ADGRA3: variants seen among roughly 807,000 people sequenced by gnomAD.
ADGRA3 encodes the protein adhesion G protein-coupled receptor A3.
ADGRA3 carries 56 observed loss-of-function variants against 119.8 expected under a neutral mutation model. The observed-to-expected ratio is 0.47, with a 90% confidence interval of 0.38 to 0.58. The LOEUF is 0.58. ADGRA3 is among the 20% of genes least tolerant of loss of function. The pLI is 0.00. For synonymous variants in ADGRA3, 607 were observed against 623.8 expected (o/e 0.97, Z 0.40); for missense variants, 1,516 against 1,649.0 (o/e 0.92, Z 1.40).
At chr4:22,397,184 T>G (rs1167516345) in intron 16 of ADGRA3, among the ~76,000 whole-genome samples, 1 of 141,494 alleles carries the variant, frequency 7.1e-6, no homozygotes, top group African/African-American at 2.6e-5. Context: ...TCTTTTTTTT[T>G]TTTTTTTTTT....
intron 3 of ADGRA3, among the ~76,000 whole-genome samples, chr4:22,458,153 G>A (rs1028889186): frequency 2.0e-5 from 3 of 152,166 alleles, no homozygotes; most frequent in Non-Finnish European, 4.4e-5. Flanking sequence ...GCATCAGCCC[G>A]AGTTTCTGAT....
At chr4:22,406,262 C>T (rs1304708052) in intron 14 of ADGRA3, among the ~76,000 whole-genome samples, 5 of 152,060 alleles carry the variant, frequency 3.3e-5, no homozygotes, top group Non-Finnish European at 7.4e-5. Flanking sequence ...TCTTGGCTAT[C>T]GTGAATAGTG....
chr4:22,467,272 T>C (rs1245951575), intron 2 of ADGRA3, among the ~76,000 whole-genome samples: 1 of 152,232 alleles, frequency 6.6e-6, no homozygotes, highest in Non-Finnish European at 1.5e-5. Flanking sequence ...AATCAAATGT[T>C]TGATCCCCAG....
At chr4:22,414,593 C>T in intron 12 of ADGRA3, 1 of 698,628 alleles carries the variant, frequency 1.4e-6, no homozygotes, top group South Asian at 1.5e-5. Context: ...ATTCCATATT[C>T]ACCGGAATTT....
In ADGRA3 at chr4:22,461,730, C is replaced by T. The variant is rs780428745; in HGVS notation, c.401+7G>A. The T allele has an allele frequency of 1.9e-6, 3 of 1,586,158 alleles. No individual in the cohort carries two copies. The highest frequency in any genetic ancestry group is 2.6e-6 in the Non-Finnish European group (3 of 1,159,494). On this transcript the variant is annotated splice_region_variant and intron_variant, in intron 3 of 18. Coordinates refer to ENST00000334304, the MANE Select transcript of ADGRA3 (RefSeq NM_145290.4). ...CAAACTCGTAAGCAAGCAATTCAAACACTTACAATCTTTTTAGAGATGACA... is the reference window on the plus strand; with the variant it reads ...CAAACTCGTAAGCAAGCAATTCAAATACTTACAATCTTTTTAGAGATGACA...
At chr4:22,443,444 C>T (rs1341130734) in intron 6 of ADGRA3, among the ~76,000 whole-genome samples, 1 of 152,028 alleles carries the variant, frequency 6.6e-6, no homozygotes, top group Non-Finnish European at 1.5e-5. Flanking sequence ...CATTAAAAGA[C>T]TTCTAAATAT....
chr4:22,515,857 A>G lies in ADGRA3; in HGVS notation c.-73T>C, dbSNP rs1167877509. ...GGGCCGCCCCGGAGCCCGGGCGGGC[A>G]GGAGCGCGGCGCGGGCCCAGCGGCG... On this transcript the variant is annotated 5_prime_UTR_variant, in exon 1 of 19. Coordinates refer to ENST00000334304, the MANE Select transcript of ADGRA3 (RefSeq NM_145290.4). 3 of 965,884 alleles carry G rather than the reference A, an allele frequency of 3.1e-6. No individual in the cohort carries two copies. Among genetic ancestry groups the G allele is most frequent in the Non-Finnish European group, 3.7e-6 (3 of 814,082 alleles). 59.8% of individuals were successfully genotyped at this position (965,884 alleles called of 1,614,324 possible). A position where few individuals can be genotyped will look rare whatever the true frequency, so the allele number is the denominator to read the frequency against.
rs777675128 is a variant in ADGRA3, at chr4:22,413,283, C to T, written c.2131G>A (p.Gly711Arg). ...AARWDFDLLN[G>R]QGGWKSDGCH... is the part of the protein sequence containing the mutation. ...CCATCTGACTTCCAGCCTCCTTGTC[C>T]GTTCAGCAAATCGAAATCCCACCGG... The change falls in exon 14 of 19, where the codon GGA becomes AGA. Residue 711 changes from glycine (G) to arginine (R), a missense_variant. By Grantham distance (125) the Gly-to-Arg change is moderately radical (BLOSUM62 -2). Coordinates refer to ENST00000334304, the MANE Select transcript of ADGRA3 (RefSeq NM_145290.4). 14 of 1,613,898 alleles carry T rather than the reference C, an allele frequency of 8.7e-6. No homozygotes were observed. Among genetic ancestry groups the T allele is most frequent in the Admixed American group, 3.3e-5 (2 of 59,972 alleles).
At chr4:22,465,982 T>C (rs1042164035) in intron 2 of ADGRA3, among the ~76,000 whole-genome samples, 3 of 152,172 alleles carry the variant, frequency 2.0e-5, no homozygotes, top group Non-Finnish European at 4.4e-5. Flanking sequence ...CTGGTCATCA[T>C]CATCACCCTA....
chr4:22,487,039 C>A (rs1718453478), intron 1 of ADGRA3, among the ~76,000 whole-genome samples: 1 of 152,152 alleles, frequency 6.6e-6, no homozygotes, highest in African/African-American at 2.4e-5. Context: ...TGAATACCAA[C>A]CAGGCTGGGC....
chr4:22,413,576 A>G, intron 13 of ADGRA3, 25 bp downstream of exon 13: 1 of 1,593,200 alleles, frequency 6.3e-7, no homozygotes, highest in Non-Finnish European at 8.6e-7. Flanking sequence ...CACTGACTAC[A>G]GGATAACATA....
chr4:22,496,311 T>TG (rs1300043271), intron 1 of ADGRA3, among the ~76,000 whole-genome samples: 1 of 152,218 alleles, frequency 6.6e-6, no homozygotes, highest in African/African-American at 2.4e-5. Flanking sequence ...AATGAGCTTC[T>TG]GTGCCTCACT....
At chr4:22,444,183 G>T (rs533083772) in intron 6 of ADGRA3, among the ~76,000 whole-genome samples, 4 of 152,144 alleles carry the variant, frequency 2.6e-5, no homozygotes, top group Admixed American at 6.5e-5. Context: ...CTATTTTTGA[G>T]AATTTAGGAT....
At chr4:22,506,009 A>G (rs7679108) in intron 1 of ADGRA3, among the ~76,000 whole-genome samples, 9,422 of 152,236 alleles carry the variant, frequency 0.062, 513 homozygotes, top group African/African-American at 0.15. Context: ...ATGCAACTGG[A>G]GAAGAGTAAA....
At chr4:22,410,605 G>A (rs1474912564) in intron 14 of ADGRA3, among the ~76,000 whole-genome samples, 1 of 152,050 alleles carries the variant, frequency 6.6e-6, no homozygotes, top group Non-Finnish European at 1.5e-5. Flanking sequence ...GTATTCAAGA[G>A]ACATAGGATT....
In ADGRA3 at chr4:22,436,543, T is replaced by C. The variant is rs759913509; in HGVS notation, c.1184A>G (p.Lys395Arg). ...ACCTCTATCACATCTGCGCCAAGCT[T>C]TTCTCTCATCCTGTGGGTTTCCGGG... is the stretch of plus-strand genomic sequence containing the variant. Reference protein sequence around the residue: ...IYPGNPQDERKAWRRCDRGGF... With the variant: ...IYPGNPQDERRAWRRCDRGGF... The change falls in exon 9 of 19, where the codon AAA (lysine) becomes AGA (arginine). Residue 395 changes from lysine (K) to arginine (R), a missense_variant. Coordinates refer to ENST00000334304, the MANE Select transcript of ADGRA3 (RefSeq NM_145290.4). The C allele has an allele frequency of 6.2e-6, 10 of 1,613,912 alleles. No homozygotes were observed. The highest frequency in any genetic ancestry group is 8.5e-6 in the Non-Finnish European group (10 of 1,179,938).
At chr4:22,505,984 TAC>T (rs1031562228) in intron 1 of ADGRA3, among the ~76,000 whole-genome samples, 7 of 152,060 alleles carry the variant, frequency 4.6e-5, no homozygotes, top group Non-Finnish European at 1.0e-4. Context: ...GAAACTAGGA[TAC>T]AAATTATCAA....
chr4:22,395,277 T>C (rs1714303390), intron 16 of ADGRA3, among the ~76,000 whole-genome samples: 2 of 152,210 alleles, frequency 1.3e-5, no homozygotes, highest in South Asian at 2.1e-4. Flanking sequence ...AACTCTCACA[T>C]ACTAGAGTTC....
In ADGRA3 at chr4:22,388,817, G is replaced by C; in HGVS notation, c.2854C>G (p.Leu952Val). Residue 952 changes from leucine to valine, a missense_variant, in exon 19 of 19, where the codon CTT (leucine) becomes GTT (valine). Physicochemically the swap from Leu to Val is conservative, Grantham distance 32. Around this residue, in one of 2 missense-constraint regions of ADGRA3, gnomAD observed 1,088 missense variants for 1,107.1 expected, o/e 0.98. Transcript: ENST00000334304. ...TGTTGCTCCTCCGTGGGCTCCTTAA[G>C]CTCATATTTGCGCTCAGGGTGTCTT... ...LKRHPERKYELKEPTEEQQRL... is the reference protein window; with the variant it reads ...LKRHPERKYEVKEPTEEQQRL... 1 of 1,614,054 alleles carries C rather than the reference G, an allele frequency of 6.2e-7. No individual in the cohort carries two copies.
Sources: gnomAD v4.1 joint callset for allele counts (sites outside exome capture counted in the v4.1 genomes callset) on GRCh38, gnomAD v4.1.1 for gene constraint, gnomAD v4.1.1 regional missense constraint, MANE v1.5 for transcripts, NCBI Gene and HGNC (gene_info 2026-07-23, HGNC 2026-07-21) for gene names.